DNAH14: variants seen among roughly 807,000 people sequenced by gnomAD.
DNAH14 encodes axonemal beta dynein heavy chain 14.
DNAH14 carries 478 observed loss-of-function variants against 520.9 expected under a neutral mutation model. The ratio of observed to expected loss-of-function variants is 0.92; its 90% CI spans 0.85 to 0.99. The LOEUF is 0.99. Among genes scored for constraint, DNAH14 ranks in the 50% least tolerant of loss-of-function variants. The pLI is 0.00. For missense variants in DNAH14, 4,831 were observed against 5,234.5 expected (o/e 0.92, Z 2.38); for synonymous variants, 1,581 against 1,757.2 (o/e 0.90, Z 2.51).
intron 19 of DNAH14, among the ~76,000 whole-genome samples, 189 bp downstream of exon 19, chr1:225,080,937 A>C (rs773808732): frequency 2.0e-5 from 3 of 152,200 alleles, no homozygotes; most frequent in African/African-American, 4.8e-5. Context: ...TTGTCAAAAA[A>C]GTTTTGTTAA....
intron 73 of DNAH14, chr1:225,354,333 C>T (rs2095406989): frequency 2.9e-6 from 2 of 686,662 alleles, no homozygotes; most frequent in South Asian, 1.5e-5. Flanking sequence ...CATACCTAAA[C>T]CACATCCACC....
At position 225,169,628 on chromosome 1, in the gene DNAH14, G is replaced by C. The variant is rs533814876; in HGVS notation, c.5535+1600G>C. ...CAAGAAATATGGGACTATGTGAAAA[G>C]ACCAAATCTACATCTGATTGGTGTA... is the stretch of plus-strand genomic sequence containing the variant. On this transcript the variant is annotated intron_variant, in intron 36 of 85. Coordinates refer to ENST00000682510, the MANE Select transcript of DNAH14 (RefSeq NM_001367479.1). Among the ~76,000 whole-genome samples, 11 of 152,302 alleles carry C rather than the reference G, an allele frequency of 7.2e-5. No individual in the cohort carries two copies. In the South Asian group the frequency reaches 2.3e-3, roughly 32 times the overall value.
At chr1:225,092,272 T>C (rs552805903) in intron 21 of DNAH14, among the ~76,000 whole-genome samples, 171 of 150,814 alleles carry the variant, frequency 1.1e-3, no homozygotes, top group African/African-American at 4.0e-3. Context: ...TCTTCTCATA[T>C]GAACATGGCA....
At chr1:225,283,019 G>C (rs2093659774) in intron 54 of DNAH14, among the ~76,000 whole-genome samples, 1 of 151,376 alleles carries the variant, frequency 6.6e-6, no homozygotes, top group Admixed American at 6.6e-5. Flanking sequence ...TCAATAAATA[G>C]TTATTATTTT....
At position 225,346,029 on chromosome 1, in the gene DNAH14, T is replaced by A. The variant is rs12742757; in HGVS notation, c.10746T>A (p.Ile3582=). The change falls in exon 70 of 86, where the codon ATT becomes ATA. Residue 3582 remains isoleucine (I), a synonymous_variant. Coordinates refer to ENST00000682510, the MANE Select transcript of DNAH14 (RefSeq NM_001367479.1). ...LRKSKMTSNE[I]SKRIEATKKA... is the part of the protein sequence containing the mutation. ...AATCCAAAATGACATCAAACGAAAT[T>A]TCAAAGCGCATCGAAGCAACAAAAA... 135,903 of 1,551,380 alleles carry A rather than the reference T, an allele frequency of 0.088. 7,724 individuals are homozygous for A. Among genetic ancestry groups the A allele is most frequent in the East Asian group, 0.27 (11,211 of 40,902 alleles).
intron 3 of DNAH14, among the ~76,000 whole-genome samples, chr1:224,957,901 G>C (rs1320561114): frequency 6.6e-6 from 1 of 152,144 alleles, no homozygotes; most frequent in Non-Finnish European, 1.5e-5. Context: ...GATAACCAGA[G>C]GAGCTGTGGT....
At chr1:225,335,987 A>G (rs1016646320) in intron 66 of DNAH14, among the ~76,000 whole-genome samples, 1 of 136,088 alleles carries the variant, frequency 7.3e-6, no homozygotes, top group Non-Finnish European at 1.6e-5. Context: ...ATGTGTATAT[A>G]CACACATATG....
rs775301511 is a variant in DNAH14, at chr1:225,007,472, T to C, written c.1035T>C (p.Ala345=). 1 of 1,542,074 alleles carries C rather than the reference T, an allele frequency of 6.5e-7. No homozygotes were observed. The highest frequency in any genetic ancestry group is 1.2e-5 in the South Asian group (1 of 82,962). The part of the protein sequence containing the change: ...DEFCEEQLQQ[A]TQALKQLEDI... ...TTTGTGAAGAGCAGTTACAGCAAGC[T>C]ACCCAGGCATTGAAACAACTTGAGG... Residue 345 remains alanine (A), a synonymous_variant, in exon 10 of 86, where the codon GCT becomes GCC. Transcript: ENST00000682510.
intron 59 of DNAH14, 105 bp downstream of exon 59, chr1:225,307,674 C>G (rs1358290261): frequency 1.2e-6 from 1 of 822,692 alleles, no homozygotes; most frequent in African/African-American, 1.8e-5. Context: ...AGAATTCCAG[C>G]TTTGTTACCC....
At chr1:225,300,060 C>G (rs2094108848) in intron 55 of DNAH14, among the ~76,000 whole-genome samples, 2 of 152,178 alleles carry the variant, frequency 1.3e-5, no homozygotes, top group African/African-American at 4.8e-5. Context: ...TATAATAACT[C>G]TTCTGGAAGA....
At chr1:224,997,414 T>C (rs2063466605) in intron 8 of DNAH14, among the ~76,000 whole-genome samples, 1 of 152,122 alleles carries the variant, frequency 6.6e-6, no homozygotes, top group Admixed American at 6.5e-5. Context: ...ATTTCTCTTA[T>C]CCTTCAAAGG....
At chr1:225,385,417 T>G (rs1200070717) in intron 81 of DNAH14, among the ~76,000 whole-genome samples, 4 of 152,134 alleles carry the variant, frequency 2.6e-5, no homozygotes, top group Non-Finnish European at 2.9e-5. Flanking sequence ...GGTATTCAAT[T>G]AGGAAAAGAG....
chr1:225,204,824 A>C (rs971791361), intron 39 of DNAH14, among the ~76,000 whole-genome samples: 3 of 152,208 alleles, frequency 2.0e-5, no homozygotes, highest in Non-Finnish European at 2.9e-5. Context: ...CCATTAGTAC[A>C]TATATGATCC....
At chr1:224,983,611 CCT>C (rs2062426194) in intron 8 of DNAH14, among the ~76,000 whole-genome samples, 1 of 152,042 alleles carries the variant, frequency 6.6e-6, no homozygotes, top group African/African-American at 2.4e-5. Flanking sequence ...TCAAACTGTC[CCT>C]GTTTGCTGAC....
In DNAH14 at chr1:225,155,387, G is replaced by A. The variant is rs374053112; in HGVS notation, c.5273+1561G>A. Among the ~76,000 whole-genome samples the A allele has an allele frequency of 1.1e-4, 17 of 152,160 alleles. No homozygotes were observed. The South Asian group carries it at 3.3e-3, about 30-fold the overall frequency. ...AAGGGAGCAAAGGATAGGGGATAAA[G>A]CTATAATTATTTATTTCTTAAAAAT... On this transcript the variant is annotated intron_variant, in intron 34 of 85. Transcript: ENST00000682510.
chr1:225,305,015 C>T lies in DNAH14; in HGVS notation c.8931C>T (p.Pro2977=), dbSNP rs2094211930. 5 of 1,545,860 alleles carry T rather than the reference C, an allele frequency of 3.2e-6. No homozygotes were observed. The highest frequency in any genetic ancestry group is 4.4e-6 in the Non-Finnish European group (5 of 1,145,852). Residue 2977 remains proline, a synonymous_variant, in exon 58 of 86, where the codon CCC becomes CCT. Transcript: ENST00000682510. ...EETGRFYYTT[P]NSYLQFMETF... is the part of the protein sequence containing the mutation. ...CTGGAAGATTTTATTATACCACTCC[C>T]AATAGCTACTTGCAATTTATGGAAA...
intron 43 of DNAH14, among the ~76,000 whole-genome samples, chr1:225,244,027 C>G (rs116323603): frequency 8.3e-4 from 127 of 152,160 alleles, no homozygotes; most frequent in African/African-American, 2.9e-3. Context: ...TCAATCAATA[C>G]CTAGTTTATT....
chr1:224,966,939 C>G (rs112662115), intron 5 of DNAH14, among the ~76,000 whole-genome samples: 1 of 152,092 alleles, frequency 6.6e-6, no homozygotes, highest in African/African-American at 2.4e-5. Context: ...AGTTAATAAA[C>G]TCTTATGGTT....
chr1:225,233,999 T>G (rs1416649718), intron 42 of DNAH14, among the ~76,000 whole-genome samples: 1 of 152,214 alleles, frequency 6.6e-6, no homozygotes, highest in African/African-American at 2.4e-5. Flanking sequence ...TTCAGTTTTC[T>G]GCATATGGCT....
Sources: gnomAD v4.1 joint callset for allele counts (sites outside exome capture counted in the v4.1 genomes callset) on GRCh38, gnomAD v4.1.1 for gene constraint, MANE v1.5 for transcripts, NCBI Gene and HGNC (gene_info 2026-07-23, HGNC 2026-07-21) for gene names.